Variants in ADAMTS3 observed in about 807,000 individuals in gnomAD.
ADAMTS3 encodes the protein A disintegrin and metalloproteinase with thrombospondin motifs 3.
ADAMTS3 carries 73 observed loss-of-function variants against 129.0 expected under a neutral mutation model. The ratio of observed to expected loss-of-function variants is 0.57; its 90% CI spans 0.47 to 0.69. ADAMTS3 has a LOEUF of 0.69. Ranked by LOEUF, ADAMTS3 falls within the 30% of genes least tolerant of loss-of-function variation. The pLI is 0.00. For missense variants in ADAMTS3, 1,457 were observed against 1,514.5 expected (o/e 0.96, Z 0.63); for synonymous variants, 477 against 510.8 (o/e 0.93, Z 0.89).
intron 3 of ADAMTS3, among the ~76,000 whole-genome samples, chr4:72,459,895 C>T (rs966393708): frequency 6.6e-6 from 1 of 151,448 alleles, no homozygotes; most frequent in African/African-American, 2.4e-5. Flanking sequence ...TACACATAGC[C>T]TGAAAGTAAC....
intron 4 of ADAMTS3, among the ~76,000 whole-genome samples, chr4:72,403,632 T>A (rs1397052039): frequency 2.6e-5 from 4 of 152,016 alleles, no homozygotes; most frequent in Admixed American, 6.6e-5. Flanking sequence ...TGCAGAAAAA[T>A]TTATTTTTTC....
At chr4:72,412,331 T>A (rs138772177) in intron 4 of ADAMTS3, among the ~76,000 whole-genome samples, 30 of 152,178 alleles carry the variant, frequency 2.0e-4, no homozygotes, top group African/African-American at 7.0e-4. Flanking sequence ...AGTGCTTTGG[T>A]TTTCATTTAT....
chr4:72,427,211 C>A (rs1327309946), intron 3 of ADAMTS3, among the ~76,000 whole-genome samples: 2 of 152,110 alleles, frequency 1.3e-5, no homozygotes, highest in African/African-American at 4.8e-5. Flanking sequence ...TTTCTCAACA[C>A]CCCTTAGATC....
At chr4:72,526,186 C>T (rs1720801787) in intron 3 of ADAMTS3, among the ~76,000 whole-genome samples, 2 of 152,162 alleles carry the variant, frequency 1.3e-5, no homozygotes, top group South Asian at 4.1e-4. Context: ...CTGGCCCCAC[C>T]GTAACCCTGG....
At chr4:72,446,723 T>C (rs1718262208) in intron 3 of ADAMTS3, among the ~76,000 whole-genome samples, 1 of 151,684 alleles carries the variant, frequency 6.6e-6, no homozygotes, top group African/African-American at 2.4e-5. Flanking sequence ...CAGTGCAAAC[T>C]CATGAGAGAG....
chr4:72,314,269 T>C (rs1429247756), intron 11 of ADAMTS3, among the ~76,000 whole-genome samples: 1 of 152,170 alleles, frequency 6.6e-6, no homozygotes, highest in Non-Finnish European at 1.5e-5. Context: ...GTCTAAAACA[T>C]ATGCAGCTTT....
At chr4:72,324,344 G>A (rs191226715) in intron 5 of ADAMTS3, among the ~76,000 whole-genome samples, 2 of 152,204 alleles carry the variant, frequency 1.3e-5, no homozygotes, top group Admixed American at 1.3e-4. Flanking sequence ...AGAATCCAAC[G>A]TGACTGCACA....
chr4:72,498,226 C>T (rs143101163), intron 3 of ADAMTS3, among the ~76,000 whole-genome samples: 3 of 152,096 alleles, frequency 2.0e-5, no homozygotes, highest in East Asian at 1.9e-4. Flanking sequence ...ATTTCTGCAC[C>T]GCATTCTGGT....
At chr4:72,319,781 CA>C in intron 8 of ADAMTS3, 76 bp downstream of exon 8, 2 of 1,232,254 alleles carry the variant, frequency 1.6e-6, no homozygotes, top group East Asian at 4.8e-5. Flanking sequence ...GCATTCTGCC[CA>C]AAGAGGAAAC....
At chr4:72,417,939 A>AAAAAAAAAAAAAAAAC (rs1722350167) in intron 3 of ADAMTS3, among the ~76,000 whole-genome samples, 2 of 150,366 alleles carry the variant, frequency 1.3e-5, no homozygotes, top group African/African-American at 4.9e-5. Context: ...TCTCAAAAAA[A>AAAAAAAAAAAAAAAAC]AAAAAGTAAG....
intron 4 of ADAMTS3, among the ~76,000 whole-genome samples, chr4:72,404,316 A>G (rs1029341920): frequency 1.3e-5 from 2 of 152,030 alleles, no homozygotes; most frequent in Non-Finnish European, 2.9e-5. Context: ...TGGCATAAAA[A>G]CAGACAGACT....
At position 72,288,555 on chromosome 4, in the gene ADAMTS3, T is replaced by C. The variant is rs538301002; in HGVS notation, c.3049+196A>G. Among the ~76,000 whole-genome samples, 15 of 152,322 alleles carry C rather than the reference T, an allele frequency of 9.8e-5. No individual in the cohort carries two copies. The South Asian group carries it at 1.7e-3, about 17-fold the overall frequency. On this transcript the variant is annotated intron_variant, in intron 21 of 21. Coordinates refer to ENST00000286657, the MANE Select transcript of ADAMTS3 (RefSeq NM_014243.3). Reference sequence around the variant, plus strand: ...AGAAATGGCAGGGCTATAGTGATCATGATAATTAAAAAGTGTAGGACATTA... The same window carrying C: ...AGAAATGGCAGGGCTATAGTGATCACGATAATTAAAAAGTGTAGGACATTA...
intron 4 of ADAMTS3, among the ~76,000 whole-genome samples, chr4:72,375,005 G>T (rs1721102682): frequency 6.6e-6 from 1 of 152,136 alleles, no homozygotes; most frequent in Non-Finnish European, 1.5e-5. Context: ...GTTATTACAT[G>T]ATGGGAGATC....
At chr4:72,465,284 T>C (rs893944197) in intron 3 of ADAMTS3, among the ~76,000 whole-genome samples, 113 of 151,970 alleles carry the variant, frequency 7.4e-4, no homozygotes, top group African/African-American at 2.7e-3. Context: ...GCAAAGGAAG[T>C]AGCAAGAGGA....
Position 72,315,727 on chromosome 4 carries a change from T to G in ADAMTS3, c.1599+131A>C, listed in dbSNP as rs112251695. On this transcript the variant is annotated intron_variant, in intron 11 of 21. Coordinates refer to ENST00000286657, the MANE Select transcript of ADAMTS3 (RefSeq NM_014243.3). ...TAGTACACTATTTTAGTACATTACT[T>G]TAATAAAGCCTTGCATACTATGGTT... The G allele has an allele frequency of 2.0e-3, 1,162 of 583,636 alleles. 10 individuals are homozygous for G. Among genetic ancestry groups the G allele is most frequent in the African/African-American group, 0.02 (1,024 of 51,944 alleles). The allele number at this position is 583,636 out of a possible 1,614,324, so 36.2% of individuals were successfully genotyped here.
chr4:72,385,156 G>A (rs1321374825), intron 4 of ADAMTS3, among the ~76,000 whole-genome samples: 2 of 151,658 alleles, frequency 1.3e-5, no homozygotes, highest in African/African-American at 4.8e-5. Context: ...CTCCAGCCTG[G>A]GTGACAGAGT....
intron 2 of ADAMTS3, among the ~76,000 whole-genome samples, chr4:72,564,161 T>C (rs928428777): frequency 6.6e-6 from 1 of 152,002 alleles, no homozygotes; most frequent in East Asian, 1.9e-4. Flanking sequence ...CAATTCCAAG[T>C]GGGGTCGGGA....
rs1184671102 is a variant in ADAMTS3 at position 72,283,162 on chromosome 4, T to G, written c.3592A>C (p.Thr1198Pro). Residue 1198 changes from threonine (T) to proline (P), a missense_variant, in exon 22 of 22, where the codon ACA becomes CCA. By Grantham distance (38) the Thr-to-Pro change is conservative. Coordinates refer to ENST00000286657, the MANE Select transcript of ADAMTS3 (RefSeq NM_014243.3). ...DGKIIDNRRP[T>P]RSSTLER is the part of the protein sequence containing the mutation. ...CATCTTTCTAAGGTGGATGATCTTG[T>G]CGGACGTCTGTTGTCAATGATCTTT... 1 of 1,611,184 alleles carries G rather than the reference T, an allele frequency of 6.2e-7. No individual in the cohort carries two copies. Among genetic ancestry groups the G allele is most frequent in the Non-Finnish European group, 8.5e-7 (1 of 1,178,576 alleles).
chr4:72,546,818 G>A (rs114274639), intron 3 of ADAMTS3, among the ~76,000 whole-genome samples: 28 of 152,130 alleles, frequency 1.8e-4, no homozygotes, highest in African/African-American at 6.8e-4. Context: ...TATTTCATCT[G>A]GGATTCTCAT....
Sources: gnomAD v4.1 joint callset for allele counts (sites outside exome capture counted in the v4.1 genomes callset) on GRCh38, gnomAD v4.1.1 for gene constraint, MANE v1.5 for transcripts, NCBI Gene and HGNC (gene_info 2026-07-23, HGNC 2026-07-21) for gene names.